The following CCSER1 variants were observed in gnomAD, a reference collection of about 807,000 sequenced individuals.
CCSER1 encodes the protein coiled-coil serine rich protein 1, also known as serine-rich coiled-coil domain-containing protein 1.
A neutral mutation model predicts 82.0 loss-of-function variants in CCSER1; 41 were observed. The observed-to-expected ratio is 0.50, with a 90% confidence interval of 0.39 to 0.65. CCSER1 has a LOEUF of 0.65. Ranked by LOEUF, CCSER1 falls within the 30% of genes least tolerant of loss-of-function variation. The pLI, the probability that CCSER1 is intolerant of heterozygous loss-of-function variation, is 0.00. For synonymous variants in CCSER1, 414 were observed against 383.9 expected (o/e 1.08, Z -0.92); for missense variants, 1,119 against 1,064.2 (o/e 1.05, Z -0.72).
chr4:90,312,411 G>C (rs1282996493), intron 2 of CCSER1, among the ~76,000 whole-genome samples: 2 of 152,154 alleles, frequency 1.3e-5, no homozygotes, highest in African/African-American at 4.8e-5. Flanking sequence ...AGGAGTGGTG[G>C]TGATGGCCCT....
At position 90,308,368 on chromosome 4, in the gene CCSER1, T is replaced by C; in HGVS notation, c.84T>C (p.Ser28=). 4 of 1,613,570 alleles carry C rather than the reference T, an allele frequency of 2.5e-6. No individual in the cohort carries two copies. In the African/African-American group the frequency reaches 4.0e-5, roughly 16 times the overall value. ...FRRSINRRHD[S]LPSSPSSSNT... ...GAAGTATTAACAGAAGACATGATTC[T>C]CTTCCTTCTTCACCTTCTTCCAGTA... is the stretch of plus-strand genomic sequence containing the variant. The change falls in exon 2 of 11, where the codon TCT becomes TCC. Residue 28 remains serine (S), a synonymous_variant. Coordinates refer to ENST00000509176, the MANE Select transcript of CCSER1 (RefSeq NM_001145065.2).
chr4:90,591,871 C>A (rs1013337804), intron 5 of CCSER1, among the ~76,000 whole-genome samples: 1 of 152,134 alleles, frequency 6.6e-6, no homozygotes, highest in African/African-American at 2.4e-5. Flanking sequence ...AGAATGAGTT[C>A]ATGTCCTTTG....
chr4:91,301,852 A>G (rs1398168978), intron 10 of CCSER1, among the ~76,000 whole-genome samples: 1 of 151,912 alleles, frequency 6.6e-6, no homozygotes, highest in Non-Finnish European at 1.5e-5. Flanking sequence ...GTGAAAATCA[A>G]TGAGGTCAAA....
intron 10 of CCSER1, among the ~76,000 whole-genome samples, chr4:91,560,780 C>T (rs1448688620): frequency 1.3e-5 from 2 of 151,292 alleles, no homozygotes; most frequent in Non-Finnish European, 3.0e-5. Flanking sequence ...TTCTCAAGTG[C>T]TTTTCTTTTC....
chr4:90,855,318 G>C (rs1342144441), intron 8 of CCSER1, among the ~76,000 whole-genome samples: 2 of 152,230 alleles, frequency 1.3e-5, no homozygotes, highest in Middle Eastern at 6.8e-3. Context: ...TAGGGATCTA[G>C]AAAACAGAGG....
Position 90,584,785 on chromosome 4 carries a change from C to G in CCSER1, c.1725-43240C>G, listed in dbSNP as rs1231225419. Among the ~76,000 whole-genome samples the G allele has an allele frequency of 3.3e-5, 5 of 152,046 alleles. No homozygotes were observed. In the South Asian group the frequency reaches 6.2e-4, roughly 19 times the overall value. On this transcript the variant is annotated intron_variant, in intron 5 of 10. Coordinates refer to ENST00000509176, the MANE Select transcript of CCSER1 (RefSeq NM_001145065.2). ...TCAGACTATGAAGTACGTATTTAAC[C>G]ATGTTTTAGTTCAATTTTTAAATTT...
intron 10 of CCSER1, among the ~76,000 whole-genome samples, chr4:91,292,808 G>A (rs1743855341): frequency 6.6e-6 from 1 of 151,898 alleles, no homozygotes; most frequent in Admixed American, 6.6e-5. Flanking sequence ...TTTATTTATT[G>A]TGGAAATGAA....
intron 10 of CCSER1, among the ~76,000 whole-genome samples, chr4:91,326,474 C>T (rs1480420845): frequency 2.6e-5 from 4 of 152,182 alleles, no homozygotes; most frequent in Non-Finnish European, 4.4e-5. Flanking sequence ...ATGATCCAAT[C>T]ACCTCCCACC....
chr4:90,652,071 A>G (rs1233574215), intron 6 of CCSER1, among the ~76,000 whole-genome samples: 1 of 152,168 alleles, frequency 6.6e-6, no homozygotes, highest in African/African-American at 2.4e-5. Context: ...GGGCATACTA[A>G]TTGATTTATA....
chr4:91,394,852 GT>G (rs542667344), intron 10 of CCSER1, among the ~76,000 whole-genome samples: 4,758 of 145,930 alleles, frequency 0.033, 226 homozygotes, highest in African/African-American at 0.11. Flanking sequence ...CTATCCCACT[GT>G]TTTTTTTTTG....
chr4:91,036,628 A>T (rs1281998460), intron 9 of CCSER1, among the ~76,000 whole-genome samples: 1 of 152,214 alleles, frequency 6.6e-6, no homozygotes, highest in African/African-American at 2.4e-5. Flanking sequence ...AAAGGTAAAA[A>T]CCTAAAGTGA....
At chr4:90,360,500 C>G (rs1745189029) in intron 3 of CCSER1, among the ~76,000 whole-genome samples, 2 of 139,944 alleles carry the variant, frequency 1.4e-5, no homozygotes, top group Non-Finnish European at 3.0e-5. Context: ...GGTGTGAACC[C>G]GGGAGGCAGA....
chr4:90,898,348 T>C (rs990817621), intron 8 of CCSER1, among the ~76,000 whole-genome samples: 4 of 138,716 alleles, frequency 2.9e-5, no homozygotes, highest in African/African-American at 8.0e-5. Flanking sequence ...AATAGCACGA[T>C]CTCAGCTCAC....
intron 3 of CCSER1, among the ~76,000 whole-genome samples, chr4:90,323,201 C>T (rs1737493271): frequency 6.6e-6 from 1 of 152,162 alleles, no homozygotes; most frequent in Admixed American, 6.5e-5. Flanking sequence ...CCATGCTGCA[C>T]AGCCTGGAAT....
chr4:90,796,478 C>T (rs991323155), intron 7 of CCSER1, among the ~76,000 whole-genome samples: 4 of 147,744 alleles, frequency 2.7e-5, no homozygotes, highest in African/African-American at 7.4e-5. Context: ...TTTTCTTGTC[C>T]CCATCTCCTT....
At chr4:90,290,216 A>G (rs1195470438) in intron 1 of CCSER1, among the ~76,000 whole-genome samples, 1 of 151,940 alleles carries the variant, frequency 6.6e-6, no homozygotes, top group Non-Finnish European at 1.5e-5. Flanking sequence ...ATTATACAGG[A>G]CCAAACCAGA....
chr4:91,450,882 A>G (rs1369716105), intron 10 of CCSER1, among the ~76,000 whole-genome samples: 2 of 152,030 alleles, frequency 1.3e-5, no homozygotes, highest in Non-Finnish European at 2.9e-5. Context: ...TCACAATCCA[A>G]AAAGCCAGGA....
intron 10 of CCSER1, among the ~76,000 whole-genome samples, chr4:91,357,878 C>CA (rs1349581539): frequency 1.0e-4 from 7 of 67,942 alleles, no homozygotes; most frequent in Non-Finnish European, 2.3e-4. Flanking sequence ...TTCTGCCTGC[C>CA]CCCCCCCCCT....
chr4:90,746,975 G>A (rs1747585662), intron 7 of CCSER1, among the ~76,000 whole-genome samples: 1 of 152,102 alleles, frequency 6.6e-6, no homozygotes. Context: ...TTTAACTACT[G>A]TACTATTTTA....
Sources: gnomAD v4.1 joint callset for allele counts (sites outside exome capture counted in the v4.1 genomes callset) on GRCh38, gnomAD v4.1.1 for gene constraint, MANE v1.5 for transcripts, NCBI Gene and HGNC (gene_info 2026-07-23, HGNC 2026-07-21) for gene names.